The following CYP4Z1 variants were observed in gnomAD, a reference collection of about 807,000 sequenced individuals.
The protein encoded by CYP4Z1 is cytochrome P450 4Z1.
A neutral mutation model predicts 54.2 loss-of-function variants in CYP4Z1; 41 were observed. That is an observed-to-expected ratio of 0.76 (90% confidence interval 0.59 to 0.98). The LOEUF (loss-of-function observed/expected upper bound fraction) is 0.98. CYP4Z1 is among the 50% of genes least tolerant of loss of function. The pLI is 0.00. For synonymous variants in CYP4Z1, 163 were observed against 206.2 expected (o/e 0.79, Z 1.79); for missense variants, 513 against 599.0 (o/e 0.86, Z 1.50).
At chr1:47,064,602 A>G (rs1644440324), upstream of CYP4Z1, among the ~76,000 whole-genome samples, 1 of 152,162 alleles carries the variant, frequency 6.6e-6, no homozygotes, top group Admixed American at 6.5e-5. Context: ...CTTAAAGCAT[A>G]AATCTCACAG....
the CYP4Z1 span, among the ~76,000 whole-genome samples, chr1:47,060,407 G>A: frequency 2.0e-5 from 3 of 152,140 alleles, no homozygotes; most frequent in Admixed American, 6.5e-5. Context: ...AGCAGGGACT[G>A]CAATCCTAAT....
At chr1:47,089,958 T>C (rs2653934) in intron 6 of CYP4Z1, among the ~76,000 whole-genome samples, 11,791 of 108,590 alleles carry the variant, frequency 0.11, 30 homozygotes, top group African/African-American at 0.25. Flanking sequence ...ACAACTTTAG[T>C]GTTAATCTCA....
chr1:47,060,656 A>C, the CYP4Z1 span, among the ~76,000 whole-genome samples: 155 of 152,312 alleles, frequency 1.0e-3, 2 homozygotes, highest in East Asian at 0.024. Flanking sequence ...TCAAGGCAGA[A>C]AATTCACAAA....
chr1:47,066,023 T>C (rs1166127291), upstream of CYP4Z1, among the ~76,000 whole-genome samples: 1 of 151,994 alleles, frequency 6.6e-6, no homozygotes, highest in Non-Finnish European at 1.5e-5. Context: ...AGCAGTGAGA[T>C]TGAAATTGTA....
chr1:47,060,943 C>G, the CYP4Z1 span, among the ~76,000 whole-genome samples: 1 of 152,106 alleles, frequency 6.6e-6, no homozygotes, highest in Non-Finnish European at 1.5e-5. Flanking sequence ...ACAACAGGCT[C>G]CTGAATGACT....
At position 47,113,437 on chromosome 1, in the gene CYP4Z1, C is replaced by T. The variant is rs867077452; in HGVS notation, c.1202-2092C>T. Among the ~76,000 whole-genome samples the T allele has an allele frequency of 3.3e-4, 50 of 152,338 alleles. No homozygotes were observed. In the Middle Eastern group the frequency reaches 0.01, roughly 31 times the overall value. On this transcript the variant is annotated intron_variant, in intron 9 of 11. Coordinates refer to ENST00000334194, the MANE Select transcript of CYP4Z1 (RefSeq NM_178134.3). ...ATTACCATGTGTTGCAATTGCCTGT[C>T]TCTTCCAATGGACTGTGAGCTCCTT...
rs1644456337 is a variant in CYP4Z1 at position 47,067,254 on chromosome 1, C to G, written c.-237C>G. Among the ~76,000 whole-genome samples, 1 of 152,196 alleles carries G rather than the reference C, an allele frequency of 6.6e-6. No homozygotes were observed. The highest frequency in any genetic ancestry group is 2.1e-4 in the South Asian group (1 of 4,832). ...TCATATGGGTGTGAGCTGTCATGCA[C>G]ATGGCTCCTATCTGAAAATCTTGTT... On this transcript the variant is annotated 5_prime_UTR_variant, in exon 1 of 12. Transcript: ENST00000334194.
chr1:47,113,756 T>C (rs1259666096), intron 9 of CYP4Z1, among the ~76,000 whole-genome samples: 1 of 152,108 alleles, frequency 6.6e-6, no homozygotes, highest in Admixed American at 6.6e-5. Flanking sequence ...AAGGACCTCT[T>C]CAAGGAGAAC....
chr1:47,092,028 G>T (rs867885469), intron 6 of CYP4Z1, among the ~76,000 whole-genome samples: 1 of 151,944 alleles, frequency 6.6e-6, no homozygotes, highest in African/African-American at 2.4e-5. Context: ...CACTGGAGTC[G>T]GCATTTGAGT....
chr1:47,073,998 C>G (rs1330429108), intron 2 of CYP4Z1, among the ~76,000 whole-genome samples: 8 of 150,928 alleles, frequency 5.3e-5, no homozygotes, highest in African/African-American at 1.5e-4. Flanking sequence ...CTTTTACTAT[C>G]ATTTTTAAGA....
At chr1:47,097,776 T>C (rs1644688885) in intron 7 of CYP4Z1, among the ~76,000 whole-genome samples, 1 of 151,862 alleles carries the variant, frequency 6.6e-6, no homozygotes, top group African/African-American at 2.4e-5. Flanking sequence ...GTTTGTTTTC[T>C]TAGGATTGTC....
At position 47,115,609 on chromosome 1, in the gene CYP4Z1, C is replaced by A. The variant is rs775752057; in HGVS notation, c.1266+16C>A. The A allele has an allele frequency of 1.2e-6, 2 of 1,611,506 alleles. No homozygotes were observed. Among genetic ancestry groups the A allele is most frequent in the Non-Finnish European group, 1.7e-6 (2 of 1,178,108 alleles). On this transcript the variant is annotated intron_variant, in intron 10 of 11. Transcript: ENST00000334194. ...AGACCCTCAGGTATGATTGTCCCAA[C>A]TGCACCCAGTGGCATCTAAGATAGC...
chr1:47,097,531 G>T (rs761979453), intron 7 of CYP4Z1, among the ~76,000 whole-genome samples: 2 of 152,066 alleles, frequency 1.3e-5, no homozygotes, highest in African/African-American at 4.8e-5. Context: ...CATATGACTA[G>T]CCAGTTCTCC....
intron 6 of CYP4Z1, among the ~76,000 whole-genome samples, chr1:47,093,477 A>C (rs1644654584): frequency 6.6e-6 from 1 of 152,188 alleles, no homozygotes; most frequent in African/African-American, 2.4e-5. Context: ...AAAATATGAG[A>C]GACTGTGTCA....
intron 8 of CYP4Z1, 129 bp downstream of exon 8, chr1:47,099,413 CTA>C: frequency 1.2e-6 from 1 of 812,192 alleles, no homozygotes; most frequent in East Asian, 2.8e-5. Context: ...AGGGTGTAGG[CTA>C]GAGTCCTACG....
chr1:47,070,186 C>G (rs948414659), intron 2 of CYP4Z1, among the ~76,000 whole-genome samples: 1 of 101,142 alleles, frequency 9.9e-6, no homozygotes, highest in Non-Finnish European at 1.8e-5. Flanking sequence ...AATTTTCAAC[C>G]CTACAAGAGA....
At chr1:47,066,896 A>AAG (rs1644454175), upstream of CYP4Z1, among the ~76,000 whole-genome samples, 1 of 152,104 alleles carries the variant, frequency 6.6e-6, no homozygotes, top group Non-Finnish European at 1.5e-5. Context: ...AGAAAAAAAA[A>AAG]AAACTTAGGT....
chr1:47,091,524 G>A (rs1289564283), intron 6 of CYP4Z1, among the ~76,000 whole-genome samples: 1 of 148,952 alleles, frequency 6.7e-6, no homozygotes, highest in Non-Finnish European at 1.5e-5. Context: ...ATAAATGTTA[G>A]CTACCTTTCC....
chr1:47,074,332 T>A (rs1228771266), intron 2 of CYP4Z1, among the ~76,000 whole-genome samples: 16 of 145,192 alleles, frequency 1.1e-4, no homozygotes, highest in Non-Finnish European at 2.1e-4. Context: ...TAGTCCAGAG[T>A]GTCTATTGTT....
Sources: allele counts gnomAD v4.1 joint callset (sites outside exome capture counted in the v4.1 genomes callset), GRCh38; gene constraint gnomAD v4.1.1; transcripts MANE v1.5; gene names NCBI Gene and HGNC (gene_info 2026-07-23, HGNC 2026-07-21).